The following INTU variants were observed in gnomAD, a reference collection of about 807,000 sequenced individuals.
INTU encodes the protein protein inturned.
In INTU, 68 loss-of-function variants were observed where a neutral mutation model predicts 100.5. The ratio of observed to expected loss-of-function variants is 0.68; its 90% CI spans 0.56 to 0.83. The LOEUF (loss-of-function observed/expected upper bound fraction) is 0.83, where lower values mean the gene tolerates loss of function less well. INTU is among the 40% of genes least tolerant of loss of function. The pLI, the probability that INTU is intolerant of heterozygous loss-of-function variation, is 0.00. For missense variants in INTU, 1,071 were observed against 1,114.7 expected (o/e 0.96, Z 0.56); for synonymous variants, 357 against 395.7 (o/e 0.90, Z 1.16).
At chr4:127,699,921 T>C in intron 8 of INTU, 89 bp from the exon 9 acceptor site, 2 of 831,502 alleles carry the variant, frequency 2.4e-6, no homozygotes, top group Non-Finnish European at 3.7e-6. Context: ...TTTCAAGTAG[T>C]AATTAAGCAC....
rs144828228 is a variant in INTU at position 127,713,665 on chromosome 4, A to C, written c.2560-271A>C. 3.5e-3 allele frequency among the ~76,000 whole-genome samples: 537 copies of C among 152,272 alleles called. 3 individuals carry two copies. The highest frequency in any genetic ancestry group is 0.012 in the African/African-American group (500 of 41,548). On this transcript the variant is annotated intron_variant, in intron 14 of 15. Coordinates refer to ENST00000335251, the MANE Select transcript of INTU (RefSeq NM_015693.4). ...TTCCACTGTGGAAGACAGATCTATA[A>C]ACTGCTAATATAATATAATATACAT...
Position 127,711,081 on chromosome 4 carries a change from C to A in INTU, c.2538C>A (p.Phe846Leu). ...HQCCLSIRAV[F>L]QQTLVEEKKK... ...GTTGTCTTTCCATTCGTGCAGTTTTCCAACAGACATTGGTGGAAGAGGTAG... is the reference window on the plus strand; with the variant it reads ...GTTGTCTTTCCATTCGTGCAGTTTTACAACAGACATTGGTGGAAGAGGTAG... The change falls in exon 14 of 16, where the codon TTC becomes TTA. Residue 846 changes from phenylalanine to leucine, a missense_variant. Physicochemically the swap from Phe to Leu is conservative, Grantham distance 22. Coordinates refer to ENST00000335251, the MANE Select transcript of INTU (RefSeq NM_015693.4). The A allele has an allele frequency of 6.3e-7, 1 of 1,591,498 alleles. No individual in the cohort carries two copies. Among genetic ancestry groups the A allele is most frequent in the Non-Finnish European group, 8.6e-7 (1 of 1,163,494 alleles).
At chr4:127,634,378 C>T (rs1043200165) in intron 1 of INTU, among the ~76,000 whole-genome samples, 6 of 152,248 alleles carry the variant, frequency 3.9e-5, no homozygotes, top group East Asian at 1.9e-4. Flanking sequence ...ATTTTAGAGT[C>T]GCATACTTTT....
intron 5 of INTU, among the ~76,000 whole-genome samples, chr4:127,673,661 A>G (rs1001374572): frequency 3.3e-5 from 5 of 151,522 alleles, no homozygotes; most frequent in Non-Finnish European, 5.9e-5. Flanking sequence ...CAGTGGCACA[A>G]TCTTGGCTCA....
Position 127,663,603 on chromosome 4 carries a change from C to A in INTU, c.972+19C>A. 6.2e-7 allele frequency: 1 copy of A among 1,602,074 alleles called. No individual in the cohort carries two copies. The highest frequency in any genetic ancestry group is 8.5e-7 in the Non-Finnish European group (1 of 1,171,644). On this transcript the variant is annotated intron_variant, in intron 4 of 15. Transcript: ENST00000335251. ...GGAAGAGGTGAGTGTCCTCAAAAGT[C>A]CAAAGGAAATAAGTTTAGTCAAAAG...
chr4:127,679,273 T>C (rs143940506), intron 6 of INTU, among the ~76,000 whole-genome samples: 5,999 of 152,164 alleles, frequency 0.039, 333 homozygotes, highest in African/African-American at 0.13. Context: ...TCTACAGAAC[T>C]CTCGACCCCA....
intron 1 of INTU, among the ~76,000 whole-genome samples, chr4:127,640,251 ATCAG>A (rs1288104916): frequency 2.0e-5 from 3 of 152,042 alleles, no homozygotes; most frequent in African/African-American, 7.2e-5. Context: ...AACTAAAGCA[ATCAG>A]TCAATCTTAG....
chr4:127,704,588 C>G (rs951696921), intron 10 of INTU, among the ~76,000 whole-genome samples: 3 of 151,986 alleles, frequency 2.0e-5, no homozygotes, highest in Non-Finnish European at 2.9e-5. Flanking sequence ...AGCCACCATG[C>G]CTGACCAGAT....
intron 2 of INTU, among the ~76,000 whole-genome samples, chr4:127,649,537 C>G (rs952290097): frequency 1.3e-5 from 2 of 151,658 alleles, no homozygotes; most frequent in African/African-American, 2.4e-5. Flanking sequence ...TTGCATTATA[C>G]TTACCTGTTG....
chr4:127,649,422 C>G (rs1727731911), intron 2 of INTU, among the ~76,000 whole-genome samples: 1 of 152,038 alleles, frequency 6.6e-6, no homozygotes, highest in African/African-American at 2.4e-5. Flanking sequence ...AAACATGAGA[C>G]TCATGAAGAA....
rs74679060 is a variant in INTU, at chr4:127,666,561, G to A, written c.973-2475G>A. Among the ~76,000 whole-genome samples, 826 of 152,230 alleles carry A rather than the reference G, an allele frequency of 5.4e-3. 11 individuals are homozygous for A. The highest frequency in any genetic ancestry group is 0.019 in the African/African-American group (790 of 41,558). On this transcript the variant is annotated intron_variant, in intron 4 of 15. Transcript: ENST00000335251. ...ACTCAGTGTCCTGATGGAAGCTGTC[G>A]TGGGAATCAGCCCTCAGGACAGCCC...
At chr4:127,710,861 A>T in intron 13 of INTU, 52 bp from the exon 14 acceptor site, 1 of 1,171,036 alleles carries the variant, frequency 8.5e-7, no homozygotes, top group Non-Finnish European at 1.1e-6. Context: ...CCAATATTTT[A>T]AAATTTACTA....
chr4:127,707,808 C>A (rs919040525), intron 12 of INTU, among the ~76,000 whole-genome samples: 1 of 152,100 alleles, frequency 6.6e-6, no homozygotes, highest in Non-Finnish European at 1.5e-5. Context: ...CATAAAATAT[C>A]CAAATGATTA....
At chr4:127,678,184 A>G (rs1729326250) in intron 6 of INTU, among the ~76,000 whole-genome samples, 1 of 152,206 alleles carries the variant, frequency 6.6e-6, no homozygotes, top group East Asian at 1.9e-4. Flanking sequence ...TCTGCAGAAT[A>G]TTATCCAGGA....
At chr4:127,651,780 A>G (rs1161561617) in intron 2 of INTU, among the ~76,000 whole-genome samples, 3 of 150,820 alleles carry the variant, frequency 2.0e-5, no homozygotes, top group Admixed American at 2.0e-4. Flanking sequence ...CTTTATGGGG[A>G]TGGCATTGAA....
chr4:127,685,743 C>T, intron 7 of INTU: 1 of 217,032 alleles, frequency 4.6e-6, no homozygotes, highest in Non-Finnish European at 9.4e-6. Flanking sequence ...TTTCATAAAA[C>T]CAGAGATTAT....
At chr4:127,668,112 C>G (rs775205341) in intron 4 of INTU, among the ~76,000 whole-genome samples, 34 of 151,936 alleles carry the variant, frequency 2.2e-4, no homozygotes, top group Non-Finnish European at 4.4e-4. Context: ...CTTCATGGTT[C>G]CTCTCTGAAC....
chr4:127,651,695 G>A (rs1425095250), intron 2 of INTU, among the ~76,000 whole-genome samples: 41 of 151,950 alleles, frequency 2.7e-4, no homozygotes, highest in African/African-American at 3.6e-4. Flanking sequence ...TTGCCTTGGC[G>A]ATGCGGGCTC....
At chr4:127,698,727 A>G (rs1322376651) in intron 8 of INTU, among the ~76,000 whole-genome samples, 1 of 152,144 alleles carries the variant, frequency 6.6e-6, no homozygotes, top group Non-Finnish European at 1.5e-5. Flanking sequence ...AGATATTTGT[A>G]TGTTTTCGTT....
Sources: gnomAD v4.1 joint callset for allele counts (sites outside exome capture counted in the v4.1 genomes callset) on GRCh38, gnomAD v4.1.1 for gene constraint, MANE v1.5 for transcripts, NCBI Gene and HGNC (gene_info 2026-07-23, HGNC 2026-07-21) for gene names.